ZNF415: variants seen among roughly 807,000 people sequenced by gnomAD.
ZNF415 encodes zinc finger protein 415.
ZNF415 carries 5 observed loss-of-function variants against 7.3 expected under a neutral mutation model. That is an observed-to-expected ratio of 0.69 (90% confidence interval 0.36 to 1.44). ZNF415 has a LOEUF of 1.44. Ranked by LOEUF, ZNF415 falls within the 40% of genes most tolerant of loss-of-function variation. The pLI is 0.04. For synonymous variants in ZNF415, 207 were observed against 226.3 expected, an observed-to-expected ratio of 0.91 and a Z score of 0.77; for missense variants, 628 against 664.8, an observed-to-expected ratio of 0.94 and a Z score of 0.61.
intron 3 of ZNF415, chr19:53,115,342 A>AG (rs1309797836): frequency 9.6e-6 from 2 of 208,938 alleles, no homozygotes; most frequent in African/African-American, 2.3e-5. Flanking sequence ...TCTCAAAAAA[A>AG]AAAGAACAAC....
At chr19:53,125,399 A>G (rs2088885810) in intron 1 of ZNF415, among the ~76,000 whole-genome samples, 1 of 149,888 alleles carries the variant, frequency 6.7e-6, no homozygotes, top group Non-Finnish European at 1.5e-5. Context: ...CAGTGATGTG[A>G]TGCTGGCTCA....
Position 53,109,031 on chromosome 19 carries a change from A to T in ZNF415, c.1014T>A (p.Ser338Arg), listed in dbSNP as rs376385149. ...YTCKECGKAF[S>R]VRSTLTNHQV... is the part of the protein sequence containing the mutation. ...GATGGTTGGTAAGTGTTGACCTCACACTAAAGGCTTTGCCACACTCTTTAC... is the reference window on the plus strand; with the variant it reads ...GATGGTTGGTAAGTGTTGACCTCACTCTAAAGGCTTTGCCACACTCTTTAC... Residue 338 changes from serine (S) to arginine (R), a missense_variant, in exon 4 of 4, where the codon AGT becomes AGA. Transcript: ENST00000243643. 3.7e-6 allele frequency: 6 copies of T among 1,613,672 alleles called. No homozygotes were observed. The African/African-American group carries it at 6.7e-5, about 18-fold the overall frequency.
intron 1 of ZNF415, among the ~76,000 whole-genome samples, chr19:53,123,184 A>G (rs2088427427): frequency 6.6e-6 from 1 of 152,162 alleles, no homozygotes; most frequent in Admixed American, 6.5e-5. Context: ...TCTCTGGGAC[A>G]GGGATGGGGG....
intron 2 of ZNF415, among the ~76,000 whole-genome samples, chr19:53,116,999 T>C (rs541593530): frequency 5.9e-5 from 9 of 152,316 alleles, no homozygotes; most frequent in Admixed American, 2.6e-4. Context: ...GATAGAAAGC[T>C]ATTTAACAAA....
intron 1 of ZNF415, chr19:53,123,573 G>A (rs934171925): frequency 1.3e-5 from 5 of 398,600 alleles, no homozygotes; most frequent in African/African-American, 4.1e-5. Context: ...GAGCAAGCTC[G>A]GCCCAGGAAC....
At chr19:53,122,542 G>C (rs2088282946) in intron 2 of ZNF415, 120 bp downstream of exon 2, 2 of 1,599,946 alleles carry the variant, frequency 1.3e-6, no homozygotes, top group Non-Finnish European at 1.7e-6. Flanking sequence ...ACGGGTCAAT[G>C]TGAGCAAACG....
At chr19:53,130,791 G>A (rs900024117) in intron 1 of ZNF415, among the ~76,000 whole-genome samples, 4 of 151,880 alleles carry the variant, frequency 2.6e-5, no homozygotes, top group Non-Finnish European at 4.4e-5. Context: ...GATTACAGAT[G>A]CGTGTCACCA....
At chr19:53,115,755 G>A (rs1486102584) in intron 3 of ZNF415, 7 of 1,550,112 alleles carry the variant, frequency 4.5e-6, no homozygotes, top group South Asian at 2.4e-5. Flanking sequence ...CTTGCTACTC[G>A]TACTTGGCTT....
At chr19:53,116,494 C>G in intron 2 of ZNF415, 61 bp from the exon 3 acceptor site, 1 of 1,601,244 alleles carries the variant, frequency 6.2e-7, no homozygotes, top group Non-Finnish European at 8.5e-7. Context: ...ACCATCTTCA[C>G]ACAAAATAAG....
chr19:53,125,754 A>G (rs1339981143), intron 1 of ZNF415, among the ~76,000 whole-genome samples: 6 of 152,000 alleles, frequency 3.9e-5, no homozygotes, highest in Non-Finnish European at 5.9e-5. Context: ...CCTGATTAAC[A>G]TGGTGAAACC....
chr19:53,126,336 G>C (rs8108955), intron 1 of ZNF415, among the ~76,000 whole-genome samples: 1 of 135,798 alleles, frequency 7.4e-6, no homozygotes, highest in South Asian at 2.4e-4. Context: ...GCAGACCCAC[G>C]TGGCCAATAA....
intron 3 of ZNF415, among the ~76,000 whole-genome samples, chr19:53,110,337 TA>T (rs532578290): frequency 6.6e-6 from 1 of 152,282 alleles, no homozygotes; most frequent in South Asian, 2.1e-4. Flanking sequence ...ATCATAATGG[TA>T]ACTAAGCCAC....
chr19:53,127,213 G>A (rs572511283), intron 1 of ZNF415, among the ~76,000 whole-genome samples: 21 of 151,084 alleles, frequency 1.4e-4, no homozygotes, highest in Admixed American at 3.3e-4. Context: ...AGCCATCTGC[G>A]CCTGATTCTT....
intron 1 of ZNF415, among the ~76,000 whole-genome samples, chr19:53,125,995 A>G (rs2089013738): frequency 6.7e-6 from 1 of 148,392 alleles, no homozygotes; most frequent in Admixed American, 7.0e-5. Flanking sequence ...CTTTTGTTTT[A>G]CCATTATTAT....
chr19:53,108,255 C>T lies in ZNF415; in HGVS notation c.*122G>A. On this transcript the variant is annotated 3_prime_UTR_variant, in exon 4 of 4. Transcript: ENST00000243643. ...CTCTCAAGAATGAAATTCTCTGATGCTGTGTAGGAGTGAATTGTGACTGAA... is the reference window on the plus strand; with the variant it reads ...CTCTCAAGAATGAAATTCTCTGATGTTGTGTAGGAGTGAATTGTGACTGAA... 1.1e-6 allele frequency: 1 copy of T among 878,158 alleles called. No individual in the cohort carries two copies. The highest frequency in any genetic ancestry group is 1.8e-5 in the South Asian group (1 of 54,100). The allele number at this position is 878,158 out of a possible 1,614,324, so 54.4% of individuals were successfully genotyped here.
At position 53,109,571 on chromosome 19, in the gene ZNF415, T is replaced by A. The variant is rs769376746; in HGVS notation, c.474A>T (p.Lys158Asn). ...HELQQFQAEG[K>N]IYECNHVEKS... ...TCTCAACATGGTTACATTCATAAATTTTCCCTTCAGCTTGAAACTGCTGCA... is the reference window on the plus strand; with the variant it reads ...TCTCAACATGGTTACATTCATAAATATTCCCTTCAGCTTGAAACTGCTGCA... Residue 158 changes from lysine (K) to asparagine (N), a missense_variant, in exon 4 of 4, where the codon AAA (lysine) becomes AAT (asparagine). Transcript: ENST00000243643. 1.9e-6 allele frequency: 3 copies of A among 1,614,102 alleles called. No individual in the cohort carries two copies. Among genetic ancestry groups the A allele is most frequent in the Non-Finnish European group, 2.5e-6 (3 of 1,180,014 alleles).
chr19:53,127,590 C>T (rs1209773611), intron 1 of ZNF415, among the ~76,000 whole-genome samples: 1 of 152,162 alleles, frequency 6.6e-6, no homozygotes, highest in Non-Finnish European at 1.5e-5. Flanking sequence ...CTGAAAGCTT[C>T]CTGATCGGCC....
At chr19:53,129,743 G>A (rs1412463550) in intron 1 of ZNF415, 1 of 396,578 alleles carries the variant, frequency 2.5e-6, no homozygotes, top group Non-Finnish European at 4.4e-6. Flanking sequence ...AATGGGCTGT[G>A]TTTGCCTTTA....
At chr19:53,111,569 C>A (rs527272750) in intron 3 of ZNF415, among the ~76,000 whole-genome samples, 12 of 152,078 alleles carry the variant, frequency 7.9e-5, no homozygotes, top group African/African-American at 2.7e-4. Context: ...TCTCGAACTT[C>A]TGACCTCAGG....
Sources: gnomAD v4.1 joint callset for allele counts (sites outside exome capture counted in the v4.1 genomes callset) on GRCh38, gnomAD v4.1.1 for gene constraint, MANE v1.5 for transcripts, NCBI Gene and HGNC (gene_info 2026-07-23, HGNC 2026-07-21) for gene names.